The following SAMD8 variants were observed in gnomAD, a reference collection of about 807,000 sequenced individuals.
SAMD8 encodes sterile alpha motif domain containing 8.
SAMD8 carries 20 observed loss-of-function variants against 42.0 expected under a neutral mutation model. The ratio of observed to expected loss-of-function variants is 0.48; its 90% CI spans 0.34 to 0.69. SAMD8 has a LOEUF of 0.69. Among genes scored for constraint, SAMD8 ranks in the 30% least tolerant of loss-of-function variants. SAMD8 has a pLI of 0.01. For synonymous variants in SAMD8, 162 were observed against 173.0 expected, an observed-to-expected ratio of 0.94 and a Z score of 0.50; for missense variants, 328 against 511.6, an observed-to-expected ratio of 0.64 and a Z score of 3.46.
At chr10:75,154,408 G>A (rs1251721748) in intron 2 of SAMD8, among the ~76,000 whole-genome samples, 2 of 152,192 alleles carry the variant, frequency 1.3e-5, no homozygotes, top group East Asian at 3.8e-4. Flanking sequence ...GCTGTCTGGG[G>A]AAAATAGTAC....
At chr10:75,120,838 T>C (rs1848989491) in intron 1 of SAMD8, among the ~76,000 whole-genome samples, 1 of 137,364 alleles carries the variant, frequency 7.3e-6, no homozygotes, top group South Asian at 2.4e-4. Flanking sequence ...TGGAGTGCAG[T>C]GGTGCAATCT....
At position 75,148,891 on chromosome 10, in the gene SAMD8, GA is replaced by G. The variant is rs537549472; in HGVS notation, c.-15-1619del. 7.3e-3 allele frequency among the ~76,000 whole-genome samples: 1,104 copies of G among 152,222 alleles called. 11 individuals are homozygous for G. The highest frequency in any genetic ancestry group is 0.024 in the African/African-American group (998 of 41,532). On this transcript the variant is annotated intron_variant, in intron 1 of 5. Coordinates refer to ENST00000542569, the MANE Select transcript of SAMD8 (RefSeq NM_001174156.2). ...TAAAGTTTAATCTAACATATATAGA[GA>G]AAAGTATAGATCACAATTATACAGC...
rs144368377 is a variant in SAMD8, at chr10:75,118,789, G to A, written c.-16+7067G>A. 7.7e-3 allele frequency among the ~76,000 whole-genome samples: 1,170 copies of A among 152,320 alleles called. 16 individuals are homozygous for A. Among genetic ancestry groups the A allele is most frequent in the Non-Finnish European group, 0.012 (832 of 68,024 alleles). On this transcript the variant is annotated intron_variant, in intron 1 of 5. Coordinates refer to ENST00000542569, the MANE Select transcript of SAMD8 (RefSeq NM_001174156.2). ...ATAATCCCAAATACTATAAACTACA[G>A]AGTTATTAATCACAAAGTTTAGCCA... is the stretch of plus-strand genomic sequence containing the variant.
intron 1 of SAMD8, among the ~76,000 whole-genome samples, chr10:75,104,725 T>C (rs1589910188): frequency 6.6e-6 from 1 of 152,160 alleles, no homozygotes; most frequent in Non-Finnish European, 1.5e-5. Context: ...AAGTTTCTTA[T>C]CACAGTCACC....
intron 1 of SAMD8, among the ~76,000 whole-genome samples, chr10:75,142,581 C>T (rs536931168): frequency 1.3e-5 from 2 of 152,056 alleles, no homozygotes; most frequent in African/African-American, 2.4e-5. Context: ...GGACTATAGG[C>T]GCGTGCCACC....
In SAMD8 at chr10:75,100,607, C is replaced by T. The variant is rs534483104; in HGVS notation, c.-16+879C>T. ...GCCCAACGTCCAGCAGGGCCAGGGC[C>T]CGGCCGAGCTCCCCTCCCACTCCCT... is the stretch of plus-strand genomic sequence containing the variant. On this transcript the variant is annotated intron_variant, in intron 1 of 3. Coordinates refer to the SAMD8 transcript ENST00000447533. Among the ~76,000 whole-genome samples the T allele has an allele frequency of 2.7e-3, 416 of 152,270 alleles. 15 individuals are homozygous for T. Among genetic ancestry groups the T allele is most frequent in the Non-Finnish European group, 2.2e-3 (151 of 68,012 alleles).
At chr10:75,149,186 G>GT (rs1397613754) in intron 1 of SAMD8, among the ~76,000 whole-genome samples, 2 of 151,908 alleles carry the variant, frequency 1.3e-5, no homozygotes, top group African/African-American at 2.4e-5. Context: ...GAGAAATAGT[G>GT]TTTTTTTCCA....
intron 1 of SAMD8, among the ~76,000 whole-genome samples, chr10:75,134,971 G>A (rs1416246360): frequency 6.6e-6 from 1 of 152,062 alleles, no homozygotes; most frequent in African/African-American, 2.4e-5. Flanking sequence ...TGAGGTGGGA[G>A]GATCACTTGA....
At position 75,162,393 on chromosome 10, in the gene SAMD8, T is replaced by C. The variant is rs188674442; in HGVS notation, c.579-2252T>C. 3.3e-5 allele frequency among the ~76,000 whole-genome samples: 5 copies of C among 151,912 alleles called. No individual in the cohort carries two copies. In the East Asian group the frequency reaches 9.8e-4, roughly 30 times the overall value. On this transcript the variant is annotated intron_variant, in intron 2 of 5. Coordinates refer to ENST00000542569, the MANE Select transcript of SAMD8 (RefSeq NM_001174156.2). ...AGGCTGGGCACGTGGCTCACGCCTG[T>C]AATCCCAGCACTTTGGGAGGCTGAG...
intron 1 of SAMD8, among the ~76,000 whole-genome samples, chr10:75,140,668 C>T (rs1342861349): frequency 2.0e-5 from 3 of 152,078 alleles, no homozygotes; most frequent in Non-Finnish European, 4.4e-5. Flanking sequence ...GTAAAGAATT[C>T]GAGTGGTCGG....
At chr10:75,162,662 A>C (rs912610492) in intron 2 of SAMD8, among the ~76,000 whole-genome samples, 17 of 151,940 alleles carry the variant, frequency 1.1e-4, no homozygotes, top group African/African-American at 2.4e-4. Context: ...AAAAAAAAAA[A>C]AAAAAAAACT....
At chr10:75,115,678 C>T (rs1348631474) in intron 1 of SAMD8, among the ~76,000 whole-genome samples, 5 of 152,124 alleles carry the variant, frequency 3.3e-5, no homozygotes, top group Admixed American at 2.6e-4. Flanking sequence ...CGGTGGCTCA[C>T]GCCTGTAATC....
Position 75,176,559 on chromosome 10 carries a change from A to G in SAMD8, c.1115A>G (p.Tyr372Cys), listed in dbSNP as rs1234289517. Residue 372 changes from tyrosine (Y) to cysteine (C), a missense_variant, in exon 6 of 6, where the codon TAT (tyrosine) becomes TGT (cysteine). This residue lies in a region of SAMD8 where 178 missense variants were observed against 325.6 expected (regional missense o/e 0.55). Coordinates refer to ENST00000542569, the MANE Select transcript of SAMD8 (RefSeq NM_001174156.2). This position sits in a 1 kb window ranked among gnomAD's most constrained non-coding sequence, Gnocchi z 4.3. ...CATACTCTGGCCAATACCAGAGCAT[A>G]TCAGCAGAGTAGGAGAGCAAGGATT... ...YYHTLANTRA[Y>C]QQSRRARIWF... The G allele has an allele frequency of 1.3e-6, 2 of 1,550,564 alleles. No homozygotes were observed. Among genetic ancestry groups the G allele is most frequent in the Non-Finnish European group, 1.7e-6 (2 of 1,147,016 alleles).
Position 75,181,869 on chromosome 10 carries a change from A to C in SAMD8, c.*5177A>C, listed in dbSNP as rs2132229955. Reference sequence around the variant, plus strand: ...GAAACTGGTACTTAATGGGGGAAGCAAAATTAGCTGGGACTAAAACGGACA... The same window carrying C: ...GAAACTGGTACTTAATGGGGGAAGCCAAATTAGCTGGGACTAAAACGGACA... On this transcript the variant is annotated 3_prime_UTR_variant, in exon 6 of 6. Coordinates refer to ENST00000542569, the MANE Select transcript of SAMD8 (RefSeq NM_001174156.2). 6.6e-6 allele frequency: 1 copy of C among 152,356 alleles called. No individual in the cohort carries two copies. Among genetic ancestry groups the C allele is most frequent in the East Asian group, 1.9e-4 (1 of 5,190 alleles). The allele number at this position is 152,356 out of a possible 1,614,324, so 9.4% of individuals were successfully genotyped here.
chr10:75,114,187 G>T (rs547795747), intron 1 of SAMD8, among the ~76,000 whole-genome samples: 14 of 151,972 alleles, frequency 9.2e-5, no homozygotes, highest in Non-Finnish European at 1.6e-4. Context: ...ACTATAAAAA[G>T]AATTAATCAG....
chr10:75,145,068 T>G (rs1290389747), intron 1 of SAMD8, among the ~76,000 whole-genome samples: 1 of 152,204 alleles, frequency 6.6e-6, no homozygotes, highest in South Asian at 2.1e-4. Flanking sequence ...TCTCTAGAAC[T>G]TGGAGTTGCG....
intron 1 of SAMD8, chr10:75,104,163 T>C: frequency 8.3e-7 from 1 of 1,198,818 alleles, no homozygotes; most frequent in Non-Finnish European, 1.1e-6. Flanking sequence ...TGGGACTTGT[T>C]GGGGCAGGGA....
chr10:75,117,024 T>C (rs896857612), intron 1 of SAMD8, among the ~76,000 whole-genome samples: 6 of 147,710 alleles, frequency 4.1e-5, no homozygotes, highest in African/African-American at 1.5e-4. Context: ...TTGCTCAGGC[T>C]GGTTTTGAAC....
intron 1 of SAMD8, among the ~76,000 whole-genome samples, chr10:75,135,453 C>CAAAA (rs151099768): frequency 3.2e-4 from 37 of 117,394 alleles, no homozygotes; most frequent in African/African-American, 1.0e-3. Flanking sequence ...AATTCCATCT[C>CAAAA]AAAAAAAAAA....
Sources: allele counts gnomAD v4.1 joint callset (sites outside exome capture counted in the v4.1 genomes callset), GRCh38; gene constraint gnomAD v4.1.1; regional missense constraint gnomAD v4.1.1; non-coding constraint Gnocchi (gnomAD v3.1); transcripts MANE v1.5; gene names NCBI Gene and HGNC (gene_info 2026-07-23, HGNC 2026-07-21).